The following EXT1 variants were observed in gnomAD, a reference collection of about 807,000 sequenced individuals.
EXT1 encodes exostosin-1.
Under a neutral mutation model 82.5 loss-of-function variants are expected in EXT1, and 20 were observed. That is an observed-to-expected ratio of 0.24 (90% confidence interval 0.17 to 0.35). The LOEUF (loss-of-function observed/expected upper bound fraction) is 0.35, where lower values mean the gene tolerates loss of function less well. Among genes scored for constraint, EXT1 ranks in the 10% least tolerant of loss-of-function variants. EXT1 has a pLI of 1.00. For missense variants in EXT1, 757 were observed against 936.5 expected (o/e 0.81, Z 2.50); for synonymous variants, 348 against 350.8 (o/e 0.99, Z 0.09).
chr8:118,069,554 T>C (rs1008629342), intron 1 of EXT1, among the ~76,000 whole-genome samples: 13 of 152,080 alleles, frequency 8.5e-5, no homozygotes, highest in African/African-American at 2.9e-4. Flanking sequence ...AGGTAGCATG[T>C]TTGGAAGGAC....
At position 117,991,692 on chromosome 8, in the gene EXT1, G is replaced by T. The variant is rs979133373; in HGVS notation, c.962+118393C>A. ...TTCTCCGGCCTCAGCCTCCTGAGTA[G>T]TTGGGATTACAGGCACATACCACCA... On this transcript the variant is annotated intron_variant, in intron 1 of 10. Coordinates refer to ENST00000378204, the MANE Select transcript of EXT1 (RefSeq NM_000127.3). Among the ~76,000 whole-genome samples, 49 of 152,136 alleles carry T rather than the reference G, an allele frequency of 3.2e-4. 1 individual carries two copies. Among genetic ancestry groups the T allele is most frequent in the Non-Finnish European group, 8.8e-5 (6 of 68,042 alleles).
chr8:118,035,395 TAA>T (rs1816401200), intron 1 of EXT1, among the ~76,000 whole-genome samples: 1 of 152,132 alleles, frequency 6.6e-6, no homozygotes, highest in South Asian at 2.1e-4. Context: ...CAATTACTAA[TAA>T]GAGTTATTTA....
intron 1 of EXT1, among the ~76,000 whole-genome samples, chr8:118,055,348 T>C (rs1322449101): frequency 6.6e-6 from 1 of 152,248 alleles, no homozygotes; most frequent in East Asian, 1.9e-4. Context: ...ATTATTCCAC[T>C]GCATGGATAT....
chr8:117,944,862 T>TA lies in EXT1; in HGVS notation c.963-107662dup, dbSNP rs567533258. Among the ~76,000 whole-genome samples, 11 of 152,082 alleles carry TA rather than the reference T, an allele frequency of 7.2e-5. No individual in the cohort carries two copies. The East Asian group carries it at 1.4e-3, about 19-fold the overall frequency. ...TATGGACCAGGTCTATGCTCAGTGCTAAAAAAATAGATCATCTCGGCCAGG... is the reference window on the plus strand; with the variant it reads ...TATGGACCAGGTCTATGCTCAGTGCTAAAAAAAATAGATCATCTCGGCCAGG... On this transcript the variant is annotated intron_variant, in intron 1 of 10. Coordinates refer to ENST00000378204, the MANE Select transcript of EXT1 (RefSeq NM_000127.3).
chr8:118,076,828 T>G (rs1395361596), intron 1 of EXT1, among the ~76,000 whole-genome samples: 2 of 152,250 alleles, frequency 1.3e-5, no homozygotes, highest in Non-Finnish European at 2.9e-5. Context: ...CAGTAATTTT[T>G]CTTTGATTTC....
intron 1 of EXT1, among the ~76,000 whole-genome samples, chr8:117,940,287 A>G (rs1814246599): frequency 6.6e-6 from 1 of 152,242 alleles, no homozygotes; most frequent in African/African-American, 2.4e-5. Flanking sequence ...ATGTAGACTG[A>G]CATCCAGGGG....
chr8:117,795,970 A>G lies in EXT1; in HGVS notation c.*3742T>C. On this transcript the variant is annotated 3_prime_UTR_variant, in exon 11 of 11. Transcript: ENST00000378204. ...GCATGCCTGAGAAAATGAGGCTGAT[A>G]GTGAAAGAAATTTCTTGGTTAAATC... 6.6e-6 allele frequency: 1 copy of G among 152,004 alleles called. No homozygotes were observed. The highest frequency in any genetic ancestry group is 1.9e-4 in the East Asian group (1 of 5,198). The allele number at this position is 152,004 out of a possible 1,614,324, so 9.4% of individuals were successfully genotyped here.
chr8:118,037,130 A>G (rs529634601), intron 1 of EXT1, among the ~76,000 whole-genome samples: 252 of 152,318 alleles, frequency 1.7e-3, no homozygotes, highest in Non-Finnish European at 3.0e-3. Flanking sequence ...TAAACATCAC[A>G]TCTTCTAACT....
intron 1 of EXT1, among the ~76,000 whole-genome samples, chr8:117,952,010 A>G (rs1278024723): frequency 1.3e-5 from 2 of 152,208 alleles, no homozygotes; most frequent in Non-Finnish European, 2.9e-5. Context: ...AATATTAACT[A>G]TTTTGCTGAC....
chr8:118,089,001 G>T (rs1310805448), intron 1 of EXT1, among the ~76,000 whole-genome samples: 1 of 152,296 alleles, frequency 6.6e-6, no homozygotes, highest in East Asian at 1.9e-4. Flanking sequence ...GATTCAAGGA[G>T]AACGTGTGTT....
intron 1 of EXT1, among the ~76,000 whole-genome samples, chr8:117,884,808 T>C (rs1189469426): frequency 6.6e-6 from 1 of 152,186 alleles, no homozygotes; most frequent in Non-Finnish European, 1.5e-5. Flanking sequence ...TGCTGCAGGA[T>C]GAATGAAAAA....
intron 1 of EXT1, among the ~76,000 whole-genome samples, chr8:117,910,571 C>A (rs1219215633): frequency 1.3e-5 from 2 of 152,074 alleles, no homozygotes; most frequent in Non-Finnish European, 2.9e-5. Flanking sequence ...GAGAGAAAAT[C>A]ATGAAATAGG....
intron 1 of EXT1, among the ~76,000 whole-genome samples, chr8:118,028,394 A>T (rs1441541693): frequency 6.6e-6 from 1 of 152,200 alleles, no homozygotes; most frequent in Non-Finnish European, 1.5e-5. Flanking sequence ...AAATTCCAAC[A>T]TGTTCCATTC....
intron 1 of EXT1, among the ~76,000 whole-genome samples, chr8:118,073,580 A>G (rs1046755205): frequency 2.6e-5 from 4 of 152,072 alleles, no homozygotes; most frequent in African/African-American, 9.7e-5. Context: ...AGATCATGCC[A>G]CTGCACTCCA....
At chr8:118,058,464 TCTTA>T (rs766429753) in intron 1 of EXT1, among the ~76,000 whole-genome samples, 1 of 152,178 alleles carries the variant, frequency 6.6e-6, no homozygotes, top group Non-Finnish European at 1.5e-5. Flanking sequence ...TATCAGGATT[TCTTA>T]CTTATCCTAA....
intron 1 of EXT1, among the ~76,000 whole-genome samples, chr8:117,865,092 T>C (rs1205190003): frequency 1.3e-5 from 2 of 152,214 alleles, no homozygotes; most frequent in South Asian, 2.1e-4. Context: ...CAAACACTTG[T>C]TGATTTTGCT....
At chr8:117,808,180 G>C (rs189360381) in intron 8 of EXT1, among the ~76,000 whole-genome samples, 3 of 152,264 alleles carry the variant, frequency 2.0e-5, no homozygotes, top group Non-Finnish European at 4.4e-5. Flanking sequence ...TGATTTCTAT[G>C]ATCATTTGAT....
At chr8:117,962,164 A>G (rs910524998) in intron 1 of EXT1, among the ~76,000 whole-genome samples, 1 of 152,130 alleles carries the variant, frequency 6.6e-6, no homozygotes, top group African/African-American at 2.4e-5. Context: ...CAAAACTACC[A>G]CTTCCTGGTA....
At chr8:117,983,535 C>G (rs1228322510) in intron 1 of EXT1, among the ~76,000 whole-genome samples, 1 of 152,078 alleles carries the variant, frequency 6.6e-6, no homozygotes, top group East Asian at 1.9e-4. Context: ...CATGGACGCT[C>G]AGTAGTAACA....
Sources: gnomAD v4.1 joint callset for allele counts (sites outside exome capture counted in the v4.1 genomes callset) on GRCh38, gnomAD v4.1.1 for gene constraint, MANE v1.5 for transcripts, NCBI Gene and HGNC (gene_info 2026-07-23, HGNC 2026-07-21) for gene names.